Variants in TCF20 observed in about 807,000 individuals in gnomAD.
The protein encoded by TCF20 is SPRE-binding protein.
Under a neutral mutation model 148.6 loss-of-function variants are expected in TCF20, and 3 were observed. The ratio of observed to expected loss-of-function variants is 0.02; its 90% CI spans 0.01 to 0.05. TCF20 has a LOEUF of 0.05. Among genes scored for constraint, TCF20 ranks in the 10% least tolerant of loss-of-function variants. TCF20 has a pLI of 1.00. For missense variants in TCF20, 2,350 were observed against 2,429.3 expected (o/e 0.97, Z 0.69); for synonymous variants, 1,049 against 909.5 (o/e 1.15, Z -2.76).
intron 1 of TCF20, among the ~76,000 whole-genome samples, chr22:42,227,452 G>C (rs1461648576): frequency 6.6e-6 from 1 of 152,068 alleles, no homozygotes; most frequent in African/African-American, 2.4e-5. Flanking sequence ...CTCCATTGTT[G>C]CTCAATACTC....
chr22:42,210,234 C>A lies in TCF20; in HGVS notation c.5072G>T (p.Gly1691Val). Reference sequence around the variant, plus strand: ...AACCGAAGACTCTGTCACAACAGGTCCCTGCAGCATAAAGGACGAGGCCGG... The same window carrying A: ...AACCGAAGACTCTGTCACAACAGGTACCTGCAGCATAAAGGACGAGGCCGG... The part of the protein sequence containing the change: ...ALPASSFMLQ[G>V]PVVTESSVMG... Residue 1691 changes from glycine (G) to valine (V), a missense_variant, in exon 2 of 6, where the codon GGA becomes GTA. Transcript: ENST00000677622. This position sits in a 1 kb window ranked among gnomAD's most constrained non-coding sequence, Gnocchi z 4.7. The A allele has an allele frequency of 6.2e-7, 1 of 1,614,170 alleles. No homozygotes were observed. Among genetic ancestry groups the A allele is most frequent in the Non-Finnish European group, 8.5e-7 (1 of 1,180,032 alleles).
intron 2 of TCF20, among the ~76,000 whole-genome samples, chr22:42,180,618 T>C (rs1936723617): frequency 6.6e-6 from 1 of 152,028 alleles, no homozygotes; most frequent in Admixed American, 6.6e-5. Context: ...AAAATAAAAG[T>C]GTTCCCTAAG....
At chr22:42,313,364 C>T (rs1347124328) in intron 1 of TCF20, among the ~76,000 whole-genome samples, 1 of 152,216 alleles carries the variant, frequency 6.6e-6, no homozygotes, top group Non-Finnish European at 1.5e-5. Context: ...ATCCTCTCCA[C>T]AAGTCAGGAA....
At chr22:42,283,672 C>G (rs866969710) in intron 1 of TCF20, among the ~76,000 whole-genome samples, 26 of 152,012 alleles carry the variant, frequency 1.7e-4, no homozygotes, top group Admixed American at 1.4e-3. Context: ...CCGGGAGGCC[C>G]CTGCCCAGCC....
chr22:42,323,953 ATGGTGGTGG>A (rs1365223048), intron 1 of TCF20, among the ~76,000 whole-genome samples: 1 of 21,344 alleles, frequency 4.7e-5, no homozygotes, highest in Non-Finnish European at 9.5e-5. Context: ...GATGGAGGTT[ATGGTGGTGG>A]TGGTGATGGT....
intron 1 of TCF20, among the ~76,000 whole-genome samples, chr22:42,322,963 A>G (rs1002372451): frequency 1.3e-5 from 2 of 150,856 alleles, no homozygotes; most frequent in African/African-American, 2.4e-5. Context: ...CTGGAGTGCA[A>G]TGGTGCGATC....
intron 1 of TCF20, among the ~76,000 whole-genome samples, chr22:42,220,143 A>G (rs1008619023): frequency 3.3e-5 from 5 of 152,034 alleles, no homozygotes; most frequent in African/African-American, 1.2e-4. Flanking sequence ...TTCTTCCTCC[A>G]TATGTCCAAC....
intron 1 of TCF20, among the ~76,000 whole-genome samples, chr22:42,307,921 G>A (rs1927464276): frequency 6.6e-6 from 1 of 152,224 alleles, no homozygotes; most frequent in Non-Finnish European, 1.5e-5. Flanking sequence ...TCGAGGCACT[G>A]CTATCTCCCA....
chr22:42,183,654 TACAGAACTGTAA>T (rs1387727348), intron 2 of TCF20, among the ~76,000 whole-genome samples: 2 of 152,224 alleles, frequency 1.3e-5, no homozygotes, highest in Non-Finnish European at 2.9e-5. Context: ...ACTTTGAACC[TACAGAACTGTAA>T]GCAGAACTGT....
At position 42,211,369 on chromosome 22, in the gene TCF20, T is replaced by C; in HGVS notation, c.3937A>G (p.Lys1313Glu). 1 of 1,614,208 alleles carries C rather than the reference T, an allele frequency of 6.2e-7. No individual in the cohort carries two copies. Among genetic ancestry groups the C allele is most frequent in the Non-Finnish European group, 8.5e-7 (1 of 1,180,034 alleles). Residue 1313 changes from lysine to glutamate, a missense_variant, in exon 2 of 6, where the codon AAG becomes GAG. Lys to Glu is a moderately conservative substitution (Grantham distance 56, BLOSUM62 1). Around this residue, in one of 7 missense-constraint regions of TCF20, gnomAD observed 1,641 missense variants for 1,662.6 expected, o/e 0.99. Coordinates refer to ENST00000677622, the MANE Select transcript of TCF20 (RefSeq NM_001378418.1). The part of the protein sequence containing the change: ...SHSQDIKSIP[K>E]RDSSKDLPSP... ...GGAAGGTCCTTGGAGGAATCTCTCT[T>C]AGGGATAGACTTGATATCCTGACTG...
chr22:42,188,806 G>C (rs898482086), intron 2 of TCF20, among the ~76,000 whole-genome samples: 1 of 152,184 alleles, frequency 6.6e-6, no homozygotes, highest in African/African-American at 2.4e-5. Flanking sequence ...TGCAGGGGCT[G>C]AAATGGGGAG....
intron 1 of TCF20, among the ~76,000 whole-genome samples, chr22:42,262,137 G>C (rs1258011523): frequency 6.6e-6 from 1 of 152,166 alleles, no homozygotes; most frequent in Non-Finnish European, 1.5e-5. Flanking sequence ...TGAACCATGT[G>C]GGGGAGTTTG....
At chr22:42,327,128 C>T (rs1927889754) in intron 1 of TCF20, among the ~76,000 whole-genome samples, 1 of 152,154 alleles carries the variant, frequency 6.6e-6, no homozygotes, top group Non-Finnish European at 1.5e-5. Context: ...GGGGAGGGGG[C>T]GGAGGCACTG....
chr22:42,184,271 T>A (rs974791890), intron 2 of TCF20, among the ~76,000 whole-genome samples: 1 of 152,140 alleles, frequency 6.6e-6, no homozygotes. Context: ...AACTTAGAAC[T>A]TTACCTCTTT....
At position 42,213,050 on chromosome 22, in the gene TCF20, G is replaced by A. The variant is rs1426002508; in HGVS notation, c.2256C>T (p.Leu752=). The A allele has an allele frequency of 6.2e-7, 1 of 1,614,108 alleles. No individual in the cohort carries two copies. The change falls in exon 2 of 6, where the codon CTC becomes CTT. Residue 752 remains leucine (L), a synonymous_variant. Coordinates refer to ENST00000677622, the MANE Select transcript of TCF20 (RefSeq NM_001378418.1). The stretch of plus-strand genomic sequence containing the variant: ...GGTAACCCTGAAGCACTTCCTGCAG[G>A]AGGCTTGGGAATTTTTCATTTCTAC... ...RKGRNEKFPS[L]LQEVLQGYHH...
chr22:42,259,201 G>A (rs746331634), intron 1 of TCF20, among the ~76,000 whole-genome samples: 3 of 152,094 alleles, frequency 2.0e-5, no homozygotes, highest in Non-Finnish European at 4.4e-5. Context: ...TCCCTTAATC[G>A]CTAGCTTTTC....
upstream of TCF20, among the ~76,000 whole-genome samples, chr22:42,284,152 C>T (rs185625478): frequency 3.9e-5 from 6 of 152,198 alleles, no homozygotes; most frequent in South Asian, 4.2e-4. Context: ...AGGGGAGCAC[C>T]CGATCCCCCC....
intron 1 of TCF20, among the ~76,000 whole-genome samples, chr22:42,333,348 G>A (rs925843468): frequency 6.6e-6 from 1 of 152,106 alleles, no homozygotes; most frequent in Admixed American, 6.5e-5. Context: ...CTGCCTCGCT[G>A]TGCAGAAGCT....
chr22:42,341,397 G>A (rs1358756639), intron 1 of TCF20, among the ~76,000 whole-genome samples: 3 of 152,174 alleles, frequency 2.0e-5, no homozygotes, highest in Non-Finnish European at 4.4e-5. Context: ...GATGGGGCAA[G>A]GGAGGCTGGA....
Sources: gnomAD v4.1 joint callset for allele counts (sites outside exome capture counted in the v4.1 genomes callset) on GRCh38, gnomAD v4.1.1 for gene constraint, gnomAD v4.1.1 regional missense constraint, Gnocchi (gnomAD v3.1) non-coding constraint, MANE v1.5 for transcripts, NCBI Gene and HGNC (gene_info 2026-07-23, HGNC 2026-07-21) for gene names.